NCKAP5: variants seen among roughly 807,000 people sequenced by gnomAD.
NCKAP5 encodes nck-associated protein 5.
NCKAP5 carries 92 observed loss-of-function variants against 167.0 expected under a neutral mutation model. That is an observed-to-expected ratio of 0.55 (90% CI 0.47 to 0.66). NCKAP5 has a LOEUF of 0.66. NCKAP5 is among the 30% of genes least tolerant of loss of function. The pLI is 0.00. For synonymous variants in NCKAP5, 891 were observed against 877.4 expected (o/e 1.02, Z -0.27); for missense variants, 2,378 against 2,315.0 (o/e 1.03, Z -0.56).
chr2:132,822,691 T>C (rs756506900), intron 11 of NCKAP5, among the ~76,000 whole-genome samples: 1 of 152,076 alleles, frequency 6.6e-6, no homozygotes, highest in African/African-American at 2.4e-5. Context: ...TCCCCAGCAA[T>C]GGATCCAAAC....
chr2:133,656,246 G>C, the NCKAP5 span, among the ~76,000 whole-genome samples: 5 of 150,424 alleles, frequency 3.3e-5, no homozygotes, highest in Non-Finnish European at 7.4e-5. Flanking sequence ...AGCCTAAAAT[G>C]CCTCGTGGAA....
At chr2:132,890,028 G>T (rs1416181854) in intron 8 of NCKAP5, among the ~76,000 whole-genome samples, 5 of 152,176 alleles carry the variant, frequency 3.3e-5, no homozygotes, top group African/African-American at 1.2e-4. Flanking sequence ...CTTTCCCACG[G>T]CAAAAGCTGG....
chr2:132,855,644 C>T (rs144831240), intron 11 of NCKAP5, among the ~76,000 whole-genome samples: 21 of 152,292 alleles, frequency 1.4e-4, no homozygotes, highest in African/African-American at 5.1e-4. Flanking sequence ...TCAAGAGAGG[C>T]CAGAATCGAT....
intron 8 of NCKAP5, among the ~76,000 whole-genome samples, chr2:132,958,583 T>C (rs1178475869): frequency 6.6e-6 from 1 of 152,218 alleles, no homozygotes; most frequent in Non-Finnish European, 1.5e-5. Context: ...GGTCTGGCCC[T>C]TGTCTACCTC....
chr2:133,462,400 C>T (rs1483047683), intron 3 of NCKAP5, among the ~76,000 whole-genome samples: 2 of 152,206 alleles, frequency 1.3e-5, no homozygotes, highest in African/African-American at 4.8e-5. Flanking sequence ...GTTTTTGTGC[C>T]GGCTTCGCAA....
At chr2:133,392,051 C>A (rs1364527758) in intron 3 of NCKAP5, among the ~76,000 whole-genome samples, 1 of 152,186 alleles carries the variant, frequency 6.6e-6, no homozygotes, top group Admixed American at 6.5e-5. Context: ...TCACCCCATC[C>A]CACATACACA....
chr2:133,516,313 G>A (rs534017103), intron 3 of NCKAP5, among the ~76,000 whole-genome samples: 10 of 152,162 alleles, frequency 6.6e-5, no homozygotes, highest in Admixed American at 2.0e-4. Context: ...ATGTCACCAC[G>A]TTCAACCTGG....
At chr2:133,497,487 C>A (rs1006505814) in intron 3 of NCKAP5, among the ~76,000 whole-genome samples, 2 of 152,154 alleles carry the variant, frequency 1.3e-5, no homozygotes, top group Non-Finnish European at 2.9e-5. Flanking sequence ...GGTTTCACAG[C>A]CCAAATTCCT....
intron 9 of NCKAP5, among the ~76,000 whole-genome samples, chr2:132,874,661 C>T (rs1002984068): frequency 9.9e-5 from 15 of 152,036 alleles, no homozygotes; most frequent in Non-Finnish European, 1.8e-4. Flanking sequence ...TCAACTCCAC[C>T]GTCGTCACTG....
chr2:133,046,882 A>G (rs1376811323), intron 6 of NCKAP5, among the ~76,000 whole-genome samples: 2 of 152,146 alleles, frequency 1.3e-5, no homozygotes, highest in African/African-American at 4.8e-5. Context: ...ACAGGTTGCA[A>G]TTTTCGTTGG....
intron 8 of NCKAP5, among the ~76,000 whole-genome samples, chr2:132,894,905 G>A (rs4618105): frequency 0.99 from 150,941 of 152,226 alleles, 74,835 homozygotes; most frequent in East Asian, 1. Context: ...AGGAGGACAG[G>A]GTGCAGTAGG....
chr2:133,181,603 C>CAAAA (rs34264277), intron 5 of NCKAP5, among the ~76,000 whole-genome samples: 91 of 70,206 alleles, frequency 1.3e-3, no homozygotes, highest in East Asian at 2.7e-3. Flanking sequence ...CCCATCTCTA[C>CAAAA]AAAAAAAAAA....
the NCKAP5 span, among the ~76,000 whole-genome samples, chr2:133,605,988 C>T: frequency 2.6e-5 from 4 of 152,170 alleles, no homozygotes; most frequent in Non-Finnish European, 4.4e-5. Context: ...AGCGAACTAT[C>T]TCTTTGCATA....
the NCKAP5 span, among the ~76,000 whole-genome samples, chr2:133,585,937 T>C: frequency 6.6e-6 from 1 of 152,180 alleles, no homozygotes; most frequent in Non-Finnish European, 1.5e-5. Context: ...AGTTTATGTG[T>C]TTTGGCAAAA....
intron 3 of NCKAP5, among the ~76,000 whole-genome samples, chr2:133,332,907 C>T (rs138914226): frequency 1.1e-3 from 167 of 152,290 alleles, no homozygotes; most frequent in Non-Finnish European, 1.9e-3. Flanking sequence ...AAGCCCTTCA[C>T]GGGCAAATCC....
chr2:133,135,855 T>A (rs1208926869), intron 5 of NCKAP5, among the ~76,000 whole-genome samples: 1 of 152,092 alleles, frequency 6.6e-6, no homozygotes, highest in African/African-American at 2.4e-5. Context: ...TATATAAAAA[T>A]AAAATATGGC....
chr2:133,602,964 T>G, the NCKAP5 span, among the ~76,000 whole-genome samples: 2 of 152,178 alleles, frequency 1.3e-5, no homozygotes, highest in African/African-American at 4.8e-5. Flanking sequence ...CTTTCTTCAC[T>G]GGGTAGCAGG....
chr2:132,954,898 C>T, intron 8 of NCKAP5: 1 of 316,472 alleles, frequency 3.2e-6, no homozygotes, highest in Non-Finnish European at 6.2e-6. Context: ...AACTTCAAGC[C>T]CCTTTACCAA....
chr2:133,007,029 C>T (rs1051125133), intron 6 of NCKAP5, among the ~76,000 whole-genome samples: 3 of 152,118 alleles, frequency 2.0e-5, no homozygotes, highest in Admixed American at 1.3e-4. Flanking sequence ...CCAGAAAAGT[C>T]GCTCTACCAA....
Sources: allele counts gnomAD v4.1 joint callset (sites outside exome capture counted in the v4.1 genomes callset), GRCh38; gene constraint gnomAD v4.1.1; transcripts MANE v1.5; gene names NCBI Gene and HGNC (gene_info 2026-07-23, HGNC 2026-07-21).